The following TMEM268 variants were observed in gnomAD, a reference collection of about 807,000 sequenced individuals.
TMEM268 encodes the protein transmembrane protein 268.
Under a neutral mutation model 39.1 loss-of-function variants are expected in TMEM268, and 24 were observed. The ratio of observed to expected loss-of-function variants is 0.61; its 90% confidence interval spans 0.44 to 0.86. TMEM268 has a LOEUF of 0.86. TMEM268 is among the 40% of genes least tolerant of loss of function. TMEM268 has a pLI of 0.00. For missense variants in TMEM268, 409 were observed against 428.6 expected, an observed-to-expected ratio of 0.95 and a Z score of 0.40; for synonymous variants, 176 against 173.5, an observed-to-expected ratio of 1.01 and a Z score of -0.12.
At chr9:114,620,437 G>A (rs943280743) in intron 2 of TMEM268, among the ~76,000 whole-genome samples, 7 of 151,926 alleles carry the variant, frequency 4.6e-5, no homozygotes, top group Admixed American at 4.6e-4. Flanking sequence ...TGTAGAGACG[G>A]GGTTTTTCAC....
At chr9:114,616,583 C>T (rs559791596) in intron 1 of TMEM268, among the ~76,000 whole-genome samples, 195 of 150,664 alleles carry the variant, frequency 1.3e-3, no homozygotes, top group Non-Finnish European at 2.3e-3. Flanking sequence ...CCAGGCTGGT[C>T]TCAAACTCCT....
Position 114,611,798 on chromosome 9 carries a change from T to C in TMEM268, c.-79+234T>C, listed in dbSNP as rs934614536. On this transcript the variant is annotated intron_variant, in intron 1 of 8. Transcript: ENST00000288502. Reference sequence around the variant, plus strand: ...TGACAAGCCTCCTGGGGGCCCGCGGTTGGGGAGGGCCAGACTGATTTATGG... The same window carrying C: ...TGACAAGCCTCCTGGGGGCCCGCGGCTGGGGAGGGCCAGACTGATTTATGG... Among the ~76,000 whole-genome samples, 5 of 151,900 alleles carry C rather than the reference T, an allele frequency of 3.3e-5. No individual in the cohort carries two copies. The East Asian group carries it at 5.9e-4, about 18-fold the overall frequency.
upstream of TMEM268, among the ~76,000 whole-genome samples, chr9:114,607,792 A>G (rs1164763392): frequency 1.3e-5 from 2 of 152,032 alleles, no homozygotes; most frequent in Non-Finnish European, 2.9e-5. Context: ...GAAACCCGAG[A>G]ATGAGTTGGT....
chr9:114,609,752 AAAG>A (rs1845424919), upstream of TMEM268, among the ~76,000 whole-genome samples: 3 of 142,006 alleles, frequency 2.1e-5, no homozygotes, highest in African/African-American at 7.4e-5. Context: ...GGAAAGAAAG[AAAG>A]AAAGAAAGAA....
chr9:114,623,180 C>G lies in TMEM268; in HGVS notation c.107-1170C>G, dbSNP rs961055818. Among the ~76,000 whole-genome samples the G allele has an allele frequency of 2.0e-5, 3 of 152,130 alleles. No individual in the cohort carries two copies. In the East Asian group the frequency reaches 5.8e-4, roughly 29 times the overall value. Reference sequence around the variant, plus strand: ...ATTTATTTATTTTGAGATGGAGTTTCATTCTTGTTGCCCAGGCTGGAGTGT... The same window carrying G: ...ATTTATTTATTTTGAGATGGAGTTTGATTCTTGTTGCCCAGGCTGGAGTGT... On this transcript the variant is annotated intron_variant, in intron 2 of 8. Transcript: ENST00000288502.
intron 6 of TMEM268, among the ~76,000 whole-genome samples, chr9:114,635,035 G>A (rs549061111): frequency 5.9e-5 from 9 of 152,160 alleles, no homozygotes; most frequent in Admixed American, 5.2e-4. Context: ...ATGAATGCAC[G>A]GATGGATAGA....
upstream of TMEM268, among the ~76,000 whole-genome samples, chr9:114,609,746 A>G (rs76774690): frequency 0.12 from 5,480 of 44,412 alleles, 241 homozygotes; most frequent in African/African-American, 0.31. Context: ...AAGGAAGGAA[A>G]GAAAGAAAGA....
At chr9:114,640,065 AAAAG>A (rs1846829117) in intron 8 of TMEM268, among the ~76,000 whole-genome samples, 1 of 151,458 alleles carries the variant, frequency 6.6e-6, no homozygotes, top group Admixed American at 6.6e-5. Context: ...TTAAAAAAAA[AAAAG>A]AGAGAAATGA....
At chr9:114,619,053 G>T (rs1845843947) in intron 2 of TMEM268, among the ~76,000 whole-genome samples, 1 of 152,190 alleles carries the variant, frequency 6.6e-6, no homozygotes, top group Non-Finnish European at 1.5e-5. Flanking sequence ...TTTTTTAGAG[G>T]CTTTGAAATT....
At chr9:114,642,901 C>T (rs892294238) in intron 8 of TMEM268, among the ~76,000 whole-genome samples, 4 of 152,112 alleles carry the variant, frequency 2.6e-5, no homozygotes, top group Admixed American at 6.5e-5. Flanking sequence ...ACCTTGGCAA[C>T]GAGGACATTG....
At chr9:114,611,891 G>A (rs1454826457) in intron 1 of TMEM268, among the ~76,000 whole-genome samples, 1 of 152,224 alleles carries the variant, frequency 6.6e-6, no homozygotes, top group Non-Finnish European at 1.5e-5. Context: ...AGACTGGGAC[G>A]AGACAGCTGC....
intron 2 of TMEM268, among the ~76,000 whole-genome samples, chr9:114,621,907 A>G (rs145263882): frequency 6.6e-6 from 1 of 152,200 alleles, no homozygotes; most frequent in Non-Finnish European, 1.5e-5. Context: ...TTGCAAAGCA[A>G]CAGGAAGCGA....
intron 8 of TMEM268, among the ~76,000 whole-genome samples, chr9:114,641,410 G>T (rs550888149): frequency 6.6e-6 from 1 of 152,280 alleles, no homozygotes; most frequent in East Asian, 1.9e-4. Context: ...ATTCAGAGTG[G>T]ACACAAGTAT....
At chr9:114,632,524 C>T (rs975437640) in intron 5 of TMEM268, among the ~76,000 whole-genome samples, 23 of 152,222 alleles carry the variant, frequency 1.5e-4, no homozygotes, top group Non-Finnish European at 3.2e-4. Context: ...TCTTCTCCCC[C>T]ACCTGTTTAG....
intron 6 of TMEM268, among the ~76,000 whole-genome samples, chr9:114,634,683 C>A (rs75624561): frequency 1.3e-5 from 2 of 152,136 alleles, no homozygotes; most frequent in Non-Finnish European, 2.9e-5. Flanking sequence ...TAGGTGTGCA[C>A]GGGGGACCTG....
intron 2 of TMEM268, among the ~76,000 whole-genome samples, chr9:114,623,324 T>C (rs1176138908): frequency 6.6e-6 from 1 of 152,076 alleles, no homozygotes; most frequent in African/African-American, 2.4e-5. Context: ...ATTTTTGTTT[T>C]TAGTAGAGAC....
chr9:114,641,168 G>A (rs1394246039), intron 8 of TMEM268, among the ~76,000 whole-genome samples: 1 of 151,998 alleles, frequency 6.6e-6, no homozygotes, highest in African/African-American at 2.4e-5. Flanking sequence ...GAGCCACCGC[G>A]CCCGGCCTCT....
Position 114,620,234 on chromosome 9 carries a change from A to G in TMEM268, c.106+2933A>G, listed in dbSNP as rs185443933. On this transcript the variant is annotated intron_variant, in intron 2 of 8. Transcript: ENST00000288502. ...CCATCTCAAAAAAAAAATTATTTTT[A>G]TAGTTTTAGTTACTTACTTATTTTT... Among the ~76,000 whole-genome samples the G allele has an allele frequency of 3.1e-5, 4 of 129,598 alleles. No homozygotes were observed. The East Asian group carries it at 8.6e-4, about 28-fold the overall frequency. The allele number at this position is 129,598 out of a possible 152,430, so 85.0% of individuals were successfully genotyped here.
At chr9:114,624,297 C>A in intron 2 of TMEM268, 53 bp from the exon 3 acceptor site, 1 of 1,551,682 alleles carries the variant, frequency 6.4e-7, no homozygotes, top group South Asian at 1.2e-5. Context: ...GCTCACCCCA[C>A]GAGCCTGGTA....
Sources: allele counts gnomAD v4.1 joint callset (sites outside exome capture counted in the v4.1 genomes callset), GRCh38; gene constraint gnomAD v4.1.1; transcripts MANE v1.5; gene names NCBI Gene and HGNC (gene_info 2026-07-23, HGNC 2026-07-21).